GARRE1: variants seen among roughly 807,000 people sequenced by gnomAD.
GARRE1 encodes granule associated Rac and RHOG effector protein 1.
In GARRE1, 49 loss-of-function variants were observed where a neutral mutation model predicts 103.2. The observed-to-expected ratio is 0.47, with a 90% CI of 0.38 to 0.60. The LOEUF (loss-of-function observed/expected upper bound fraction) is 0.60. Among genes scored for constraint, GARRE1 ranks in the 20% least tolerant of loss-of-function variants. The probability of loss-of-function intolerance (pLI) is 0.00; values close to 1 mark genes in which losing one functional copy is unlikely to be tolerated. For synonymous variants in GARRE1, 505 were observed against 532.8 expected (o/e 0.95, Z 0.72); for missense variants, 1,199 against 1,370.5 (o/e 0.87, Z 1.98).
At chr19:34,325,344 C>G (rs147916402) in intron 3 of GARRE1, among the ~76,000 whole-genome samples, 60 of 152,244 alleles carry the variant, frequency 3.9e-4, no homozygotes, top group African/African-American at 1.3e-3. Context: ...GGCTTCAGGC[C>G]CCTGAGCTCA....
At chr19:34,271,230 C>A (rs2073785206) in intron 1 of GARRE1, among the ~76,000 whole-genome samples, 1 of 149,596 alleles carries the variant, frequency 6.7e-6, no homozygotes, top group Non-Finnish European at 1.5e-5. Flanking sequence ...TTCAGGTATA[C>A]CTTCTGTGCA....
In GARRE1 at chr19:34,267,006, G is replaced by C. The variant is rs1203331566; in HGVS notation, c.-796+12392G>C. ...GGGCCAGACATGGTAGTTTATGCTT[G>C]TAATCCCAGCACTTTGAAGGGCCGA... is the stretch of plus-strand genomic sequence containing the variant. On this transcript the variant is annotated intron_variant, in intron 1 of 13. Transcript: ENST00000299505. Among the ~76,000 whole-genome samples, 6 of 152,070 alleles carry C rather than the reference G, an allele frequency of 3.9e-5. No individual in the cohort carries two copies. In the East Asian group the frequency reaches 1.2e-3, roughly 29 times the overall value.
rs781251259 is a variant in GARRE1 at position 34,300,632 on chromosome 19, C to T, written c.159C>T (p.Pro53=). The change falls in exon 2 of 14, where the codon CCC becomes CCT. Residue 53 remains proline (P), a synonymous_variant. Transcript: ENST00000299505. ...APLASTATTA[P]LGSLTAAGSC... is the part of the protein sequence containing the mutation. ...TGGCATCCACGGCCACCACTGCCCCCCTGGGCAGTCTGACCGCTGCAGGCA... is the reference window on the plus strand; with the variant it reads ...TGGCATCCACGGCCACCACTGCCCCTCTGGGCAGTCTGACCGCTGCAGGCA... 6.2e-7 allele frequency: 1 copy of T among 1,613,704 alleles called. No homozygotes were observed. The highest frequency in any genetic ancestry group is 8.5e-7 in the Non-Finnish European group (1 of 1,179,976).
chr19:34,279,520 A>G (rs564809869), intron 1 of GARRE1, among the ~76,000 whole-genome samples: 2 of 151,946 alleles, frequency 1.3e-5, no homozygotes, highest in South Asian at 2.1e-4. Flanking sequence ...AGTGGCCAGC[A>G]CTTATTTTCT....
intron 2 of GARRE1, 130 bp from the exon 3 acceptor site, chr19:34,319,777 C>CT: frequency 1.3e-6 from 1 of 790,276 alleles, no homozygotes; most frequent in South Asian, 1.6e-5. Flanking sequence ...GCATGGTGGC[C>CT]TTTTAACTTT....
intron 2 of GARRE1, among the ~76,000 whole-genome samples, chr19:34,304,479 G>A (rs1020329786): frequency 4.0e-5 from 6 of 148,400 alleles, no homozygotes; most frequent in Non-Finnish European, 8.9e-5. Flanking sequence ...GGGTTAAAGC[G>A]ATTCTTGTGC....
chr19:34,315,672 C>T (rs572885098), intron 2 of GARRE1, among the ~76,000 whole-genome samples: 1 of 127,410 alleles, frequency 7.8e-6, no homozygotes, highest in East Asian at 2.3e-4. Flanking sequence ...GATTGTGCCA[C>T]TGCACTCCAG....
chr19:34,256,850 C>T (rs549364818), intron 1 of GARRE1, among the ~76,000 whole-genome samples: 142 of 152,156 alleles, frequency 9.3e-4, no homozygotes, highest in Middle Eastern at 3.4e-3. Context: ...AAATCATTTT[C>T]CAATACAAGT....
At chr19:34,316,314 T>A (rs529976176) in intron 2 of GARRE1, among the ~76,000 whole-genome samples, 2 of 152,346 alleles carry the variant, frequency 1.3e-5, no homozygotes, top group African/African-American at 4.8e-5. Flanking sequence ...TTGGCCACTC[T>A]GCTCATCCAC....
At chr19:34,275,965 ATAGT>A (rs568461750) in intron 1 of GARRE1, among the ~76,000 whole-genome samples, 42 of 152,078 alleles carry the variant, frequency 2.8e-4, no homozygotes, top group Non-Finnish European at 5.4e-4. Flanking sequence ...CATTTCCCTG[ATAGT>A]TAGTGATGTT....
At position 34,352,827 on chromosome 19, in the gene GARRE1, G is replaced by A. The variant is rs372487392; in HGVS notation, c.3085G>A (p.Ala1029Thr). Residue 1029 changes from alanine to threonine, a missense_variant, in exon 14 of 14, where the codon GCT (alanine) becomes ACT (threonine). By Grantham distance (58) the Ala-to-Thr change is moderately conservative (BLOSUM62 0). Coordinates refer to ENST00000299505, the MANE Select transcript of GARRE1 (RefSeq NM_014686.5). ...GGCCGCAACCAACGACTGCAGTGCC[G>A]CTGCCTTCTCCTATGTGCAGACCCC... is the stretch of plus-strand genomic sequence containing the variant. The part of the protein sequence containing the change: ...VWAATNDCSA[A>T]AFSYVQTPPQ... 2.5e-6 allele frequency: 4 copies of A among 1,611,540 alleles called. No homozygotes were observed. The highest frequency in any genetic ancestry group is 1.7e-4 in the Middle Eastern group (1 of 6,048).
chr19:34,327,080 G>A (rs769963085), intron 3 of GARRE1, among the ~76,000 whole-genome samples: 1 of 151,934 alleles, frequency 6.6e-6, no homozygotes, highest in East Asian at 1.9e-4. Context: ...GCTTGAACTC[G>A]GGAGGCGGAG....
chr19:34,350,846 G>A (rs921476433), intron 12 of GARRE1, among the ~76,000 whole-genome samples: 4 of 152,068 alleles, frequency 2.6e-5, no homozygotes, highest in African/African-American at 9.7e-5. Context: ...CTCCCAAAGT[G>A]TTGGGATTAA....
At chr19:34,280,226 C>T (rs2073843386) in intron 1 of GARRE1, among the ~76,000 whole-genome samples, 2 of 152,136 alleles carry the variant, frequency 1.3e-5, no homozygotes, top group Non-Finnish European at 2.9e-5. Context: ...CCACATGATC[C>T]AGTCACCTCC....
intron 2 of GARRE1, among the ~76,000 whole-genome samples, chr19:34,305,078 C>G (rs2074001574): frequency 6.6e-6 from 1 of 152,196 alleles, no homozygotes; most frequent in African/African-American, 2.4e-5. Context: ...AGGCGTGAGC[C>G]ACCGTGCCCG....
At chr19:34,274,861 T>C (rs1427506931) in intron 1 of GARRE1, among the ~76,000 whole-genome samples, 5 of 152,208 alleles carry the variant, frequency 3.3e-5, no homozygotes, top group African/African-American at 1.2e-4. Context: ...GCTAAAAAAG[T>C]AGAGTTCTAA....
intron 1 of GARRE1, among the ~76,000 whole-genome samples, chr19:34,264,544 G>A (rs2073739782): frequency 1.3e-5 from 2 of 152,118 alleles, no homozygotes; most frequent in Non-Finnish European, 2.9e-5. Flanking sequence ...GACTACAGGT[G>A]CCCGCCACCA....
At chr19:34,343,769 C>T (rs1047171874) in intron 10 of GARRE1, among the ~76,000 whole-genome samples, 1 of 152,142 alleles carries the variant, frequency 6.6e-6, no homozygotes, top group Non-Finnish European at 1.5e-5. Flanking sequence ...ATCGCTTGAG[C>T]TCAGGAGGTT....
intron 1 of GARRE1, among the ~76,000 whole-genome samples, chr19:34,285,526 G>A (rs1440668476): frequency 1.3e-5 from 2 of 151,840 alleles, no homozygotes; most frequent in African/African-American, 4.8e-5. Flanking sequence ...AGGAGGCTGA[G>A]GCATGAGAAT....
Sources: gnomAD v4.1 joint callset for allele counts (sites outside exome capture counted in the v4.1 genomes callset) on GRCh38, gnomAD v4.1.1 for gene constraint, MANE v1.5 for transcripts, NCBI Gene and HGNC (gene_info 2026-07-23, HGNC 2026-07-21) for gene names.